Variants in RDX observed in about 807,000 individuals in gnomAD.
RDX encodes the protein radixin, also known as deafness, autosomal recessive 24.
A neutral mutation model predicts 83.7 loss-of-function variants in RDX; 32 were observed. That is an observed-to-expected ratio of 0.38 (90% CI 0.29 to 0.51). RDX has a LOEUF of 0.51. Among genes scored for constraint, RDX ranks in the 20% least tolerant of loss-of-function variants. The pLI is 0.87. For synonymous variants in RDX, 229 were observed against 222.7 expected, an observed-to-expected ratio of 1.03 and a Z score of -0.25; for missense variants, 600 against 689.9, an observed-to-expected ratio of 0.87 and a Z score of 1.46.
At chr11:110,273,472 C>T (rs1212442764) in intron 2 of RDX, among the ~76,000 whole-genome samples, 2 of 152,202 alleles carry the variant, frequency 1.3e-5, no homozygotes, top group Non-Finnish European at 2.9e-5. Flanking sequence ...GCCATTCATG[C>T]GTGCAATCAT....
chr11:110,216,921 T>C (rs1864075306), intron 14 of RDX, among the ~76,000 whole-genome samples: 1 of 152,250 alleles, frequency 6.6e-6, no homozygotes, highest in East Asian at 1.9e-4. Context: ...CTAGCTTATC[T>C]TGGAAGATCA....
intron 14 of RDX, among the ~76,000 whole-genome samples, chr11:110,218,625 T>C (rs2134271684): frequency 6.6e-6 from 1 of 152,350 alleles, no homozygotes; most frequent in African/African-American, 2.4e-5. Flanking sequence ...TATTTCACGG[T>C]ACTACCTTCT....
downstream of RDX, among the ~76,000 whole-genome samples, chr11:110,226,198 T>C (rs766472461): frequency 3.4e-4 from 51 of 152,226 alleles, no homozygotes; most frequent in Non-Finnish European, 6.5e-4. Flanking sequence ...AGCAGCAATA[T>C]TCAGAGTAGT....
intron 14 of RDX, among the ~76,000 whole-genome samples, chr11:110,216,377 A>AT (rs1449143075): frequency 0.045 from 6,402 of 143,598 alleles, 402 homozygotes; most frequent in African/African-American, 0.14. Flanking sequence ...ACTTTTTCTA[A>AT]TTTTTTTTTT....
chr11:110,284,148 T>A (rs566350156), intron 1 of RDX, among the ~76,000 whole-genome samples: 1 of 152,360 alleles, frequency 6.6e-6, no homozygotes, highest in East Asian at 1.9e-4. Context: ...ATTGTAGGTA[T>A]CACCAGATAT....
chr11:110,285,751 A>G (rs1860956651), intron 1 of RDX, among the ~76,000 whole-genome samples: 1 of 149,804 alleles, frequency 6.7e-6, no homozygotes, highest in South Asian at 2.1e-4. Flanking sequence ...TTTCTAGTCT[A>G]TAAATATATT....
At chr11:110,233,663 T>G in intron 12 of RDX, 184 bp from the exon 13 acceptor site, 1 of 651,158 alleles carries the variant, frequency 1.5e-6, no homozygotes, top group Non-Finnish European at 2.6e-6. Context: ...AACATTATTA[T>G]GCAAACCCTA....
At chr11:110,262,323 G>A (rs1307285820) in intron 5 of RDX, among the ~76,000 whole-genome samples, 4 of 152,188 alleles carry the variant, frequency 2.6e-5, no homozygotes, top group South Asian at 2.1e-4. Flanking sequence ...GGTGACTCAC[G>A]CCTATAATCC....
chr11:110,257,191 T>C (rs1008811571), intron 7 of RDX, among the ~76,000 whole-genome samples: 1 of 151,240 alleles, frequency 6.6e-6, no homozygotes. Context: ...TAATAAAATA[T>C]TGATGAATTA....
intron 14 of RDX, chr11:110,199,769 A>G: frequency 2.9e-6 from 2 of 699,280 alleles, no homozygotes; most frequent in Non-Finnish European, 5.2e-6. Context: ...TGCTCAGCAC[A>G]TTGCAACATC....
At chr11:110,262,699 T>C (rs1057070484) in intron 5 of RDX, among the ~76,000 whole-genome samples, 6 of 152,192 alleles carry the variant, frequency 3.9e-5, no homozygotes, top group African/African-American at 1.4e-4. Context: ...GTAAATCATA[T>C]AGTTCATTAA....
At chr11:110,223,760 A>G (rs1864337188) in intron 14 of RDX, among the ~76,000 whole-genome samples, 1 of 152,116 alleles carries the variant, frequency 6.6e-6, no homozygotes, top group East Asian at 1.9e-4. Flanking sequence ...AATCAACTAC[A>G]GTTTTTGACT....
chr11:110,264,757 A>T, intron 4 of RDX, 22 bp downstream of exon 4: 1 of 1,466,546 alleles, frequency 6.8e-7, no homozygotes, highest in Non-Finnish European at 9.5e-7. Flanking sequence ...TTATTAGTTT[A>T]ATGTTATCGT....
chr11:110,186,001 GC>G (rs1862980088), intron 15 of RDX, among the ~76,000 whole-genome samples: 1 of 152,196 alleles, frequency 6.6e-6, no homozygotes. Context: ...GAGGAGGGAA[GC>G]CCCCCAAACC....
At chr11:110,219,346 A>G (rs576622891) in intron 14 of RDX, among the ~76,000 whole-genome samples, 1 of 152,334 alleles carries the variant, frequency 6.6e-6, no homozygotes, top group South Asian at 2.1e-4. Context: ...ACCAGAATAG[A>G]TTAGGCTGCA....
intron 14 of RDX, among the ~76,000 whole-genome samples, chr11:110,223,383 G>T (rs776340265): frequency 2.6e-5 from 4 of 151,946 alleles, no homozygotes; most frequent in Non-Finnish European, 4.4e-5. Context: ...AAAAAAATTA[G>T]CCAGGCATGG....
intron 15 of RDX, among the ~76,000 whole-genome samples, chr11:110,186,909 T>A (rs1005821024): frequency 3.3e-5 from 5 of 152,204 alleles, no homozygotes; most frequent in African/African-American, 1.2e-4. Flanking sequence ...GGTTAGAGAT[T>A]GGAGCATTTG....
chr11:110,293,670 G>A (rs1353022232), intron 1 of RDX, among the ~76,000 whole-genome samples: 4 of 152,170 alleles, frequency 2.6e-5, no homozygotes, highest in South Asian at 4.1e-4. Context: ...TTGTACCCCA[G>A]GGGTAGTATC....
At chr11:110,245,285 G>C (rs1859058917) in intron 10 of RDX, among the ~76,000 whole-genome samples, 1 of 151,966 alleles carries the variant, frequency 6.6e-6, no homozygotes, top group African/African-American at 2.4e-5. Flanking sequence ...AAAACTATAA[G>C]GCTGGGTGCA....
Sources: allele counts gnomAD v4.1 joint callset (sites outside exome capture counted in the v4.1 genomes callset), GRCh38; gene constraint gnomAD v4.1.1; transcripts MANE v1.5; gene names NCBI Gene and HGNC (gene_info 2026-07-23, HGNC 2026-07-21).